INSC: variants seen among roughly 807,000 people sequenced by gnomAD.
The protein encoded by INSC is INSC spindle orientation adaptor protein.
In INSC, 67 loss-of-function variants were observed where a neutral mutation model predicts 58.6. That is an observed-to-expected ratio of 1.14 (90% CI 0.94 to 1.40). The LOEUF is 1.40. Ranked by LOEUF, INSC falls within the 40% of genes most tolerant of loss-of-function variation. INSC has a pLI of 0.00. For missense variants in INSC, 714 were observed against 692.0 expected, an observed-to-expected ratio of 1.03 and a Z score of -0.36; for synonymous variants, 262 against 276.1, an observed-to-expected ratio of 0.95 and a Z score of 0.51.
the INSC span, among the ~76,000 whole-genome samples, chr11:15,262,333 C>A: frequency 2.0e-5 from 3 of 152,042 alleles, no homozygotes; most frequent in African/African-American, 7.2e-5. Flanking sequence ...AACTGAAAAT[C>A]CATGAGGCAA....
chr11:15,178,883 C>A (rs1323896546), intron 5 of INSC, among the ~76,000 whole-genome samples: 1 of 152,218 alleles, frequency 6.6e-6, no homozygotes, highest in African/African-American at 2.4e-5. Flanking sequence ...TGATCCCCCT[C>A]TTCTCTGTTG....
At chr11:15,218,497 G>T (rs543783223) in intron 7 of INSC, among the ~76,000 whole-genome samples, 1 of 151,836 alleles carries the variant, frequency 6.6e-6, no homozygotes, top group East Asian at 1.9e-4. Context: ...TGGATATTAG[G>T]CATATACATC....
At chr11:15,139,068 A>G (rs183207997) in intron 1 of INSC, among the ~76,000 whole-genome samples, 10 of 152,342 alleles carry the variant, frequency 6.6e-5, no homozygotes, top group African/African-American at 2.4e-4. Flanking sequence ...TTGTGAAGCT[A>G]TAAGAGATTG....
intron 1 of INSC, among the ~76,000 whole-genome samples, chr11:15,129,805 G>C (rs1036903489): frequency 6.6e-6 from 1 of 152,208 alleles, no homozygotes; most frequent in Non-Finnish European, 1.5e-5. Context: ...GAATGAGGAT[G>C]AATTGCTACT....
chr11:15,112,698 A>T, upstream of INSC: 1 of 589,794 alleles, frequency 1.7e-6, no homozygotes, highest in East Asian at 3.2e-5. Flanking sequence ...TAACAAACCA[A>T]GTCTGTTCCT....
chr11:15,209,663 G>T (rs1213798213), intron 7 of INSC, among the ~76,000 whole-genome samples: 1 of 151,960 alleles, frequency 6.6e-6, no homozygotes, highest in Non-Finnish European at 1.5e-5. Flanking sequence ...GCACACACAG[G>T]TGAATAATGT....
intron 7 of INSC, among the ~76,000 whole-genome samples, chr11:15,212,504 C>CAATG: frequency 6.6e-6 from 1 of 152,244 alleles, no homozygotes; most frequent in Non-Finnish European, 1.5e-5. Context: ...GAACAGAGTA[C>CAATG]ATCTCTCTAC....
chr11:15,190,397 G>C (rs769338557), intron 5 of INSC, among the ~76,000 whole-genome samples: 2 of 152,308 alleles, frequency 1.3e-5, no homozygotes, highest in South Asian at 4.1e-4. Context: ...TTCACAAAAT[G>C]GTATTTGCTG....
the INSC span, among the ~76,000 whole-genome samples, chr11:15,258,508 T>C: frequency 6.6e-6 from 1 of 152,162 alleles, no homozygotes; most frequent in African/African-American, 2.4e-5. Context: ...ATTAGAGGAG[T>C]AGATCTTCAT....
intron 2 of INSC, among the ~76,000 whole-genome samples, chr11:15,161,306 A>G (rs1216539057): frequency 1.3e-5 from 2 of 152,226 alleles, no homozygotes; most frequent in Admixed American, 1.3e-4. Context: ...ACTATATTAT[A>G]CTGAACAGTT....
intron 4 of INSC, 25 bp downstream of exon 4, chr11:15,177,188 AG>A (rs781642046): frequency 6.2e-7 from 1 of 1,608,012 alleles, no homozygotes; most frequent in Non-Finnish European, 8.5e-7. Flanking sequence ...TAGATCTCCC[AG>A]GGTCTGCCCA....
In INSC at chr11:15,246,118, T is replaced by C. The variant is rs1852556202; in HGVS notation, c.*78T>C. On this transcript the variant is annotated 3_prime_UTR_variant, in exon 13 of 13. Coordinates refer to ENST00000379556, the MANE Select transcript of INSC (RefSeq NM_001042536.3). ...GCACCAGTGAACACATCTGAGTACATACCAGCTCTCCTCATCTTCTTATTT... is the reference window on the plus strand; with the variant it reads ...GCACCAGTGAACACATCTGAGTACACACCAGCTCTCCTCATCTTCTTATTT... The C allele has an allele frequency of 6.8e-7, 1 of 1,480,636 alleles. No homozygotes were observed. The allele number at this position is 1,480,636 out of a possible 1,614,324, so 91.7% of individuals were successfully genotyped here.
intron 2 of INSC, among the ~76,000 whole-genome samples, chr11:15,167,285 A>G (rs1849232333): frequency 6.6e-6 from 1 of 152,060 alleles, no homozygotes; most frequent in South Asian, 2.1e-4. Flanking sequence ...TGCCCTGGAC[A>G]TAAGCGGCAT....
upstream of INSC, among the ~76,000 whole-genome samples, chr11:15,111,532 G>C (rs1428784632): frequency 6.6e-6 from 1 of 152,198 alleles, no homozygotes; most frequent in Non-Finnish European, 1.5e-5. Flanking sequence ...CTCTGGACCA[G>C]TCCTGAGGCG....
At chr11:15,180,694 C>CGGGGGGGGGTGGGGGGGGGGGGG (rs1849744556) in intron 5 of INSC, among the ~76,000 whole-genome samples, 1 of 41,818 alleles carries the variant, frequency 2.4e-5, no homozygotes, top group Non-Finnish European at 4.5e-5. Context: ...AGGGGGGGGG[C>CGGGGGGGGGTGGGGGGGGGGGGG]GGGGGGGGGT....
intron 9 of INSC, among the ~76,000 whole-genome samples, chr11:15,231,372 T>C (rs969755280): frequency 6.6e-6 from 1 of 152,138 alleles, no homozygotes; most frequent in African/African-American, 2.4e-5. Context: ...TAAAATACAC[T>C]AACACTAACA....
At chr11:15,252,696 A>G in the INSC span, among the ~76,000 whole-genome samples, 1 of 152,236 alleles carries the variant, frequency 6.6e-6, no homozygotes, top group African/African-American at 2.4e-5. Context: ...AGTTAGAAGC[A>G]TGTAACTGAA....
rs561928228 is a variant in INSC at position 15,240,541 on chromosome 11, C to G, written c.1470+18C>G. ...CCTGCCTGGTGAGTTCTCAGTCTTC[C>G]CCCAGCTTTTCCCCTGGCCTTCGGA... is the stretch of plus-strand genomic sequence containing the variant. On this transcript the variant is annotated intron_variant, in intron 12 of 12. Transcript: ENST00000379556. 1 of 1,607,976 alleles carries G rather than the reference C, an allele frequency of 6.2e-7. No homozygotes were observed. The highest frequency in any genetic ancestry group is 1.7e-5 in the Admixed American group (1 of 59,702).
intron 2 of INSC, among the ~76,000 whole-genome samples, chr11:15,166,561 G>A (rs1406020604): frequency 6.6e-6 from 1 of 151,972 alleles, no homozygotes. Flanking sequence ...GGTGGGTTTG[G>A]GAGGTTCCTA....
Sources: allele counts gnomAD v4.1 joint callset (sites outside exome capture counted in the v4.1 genomes callset), GRCh38; gene constraint gnomAD v4.1.1; transcripts MANE v1.5; gene names NCBI Gene and HGNC (gene_info 2026-07-23, HGNC 2026-07-21).